LPP: variants seen among roughly 807,000 people sequenced by gnomAD.
LPP encodes the protein LIM domain containing preferred translocation partner in lipoma, also known as lipoma-preferred partner.
In LPP, 38 loss-of-function variants were observed where a neutral mutation model predicts 60.4. That is an observed-to-expected ratio of 0.63 (90% CI 0.49 to 0.83). The LOEUF is 0.83. Among genes scored for constraint, LPP ranks in the 40% least tolerant of loss-of-function variants. The pLI is 0.00. For synonymous variants in LPP, 328 were observed against 290.8 expected (o/e 1.13, Z -1.30); for missense variants, 902 against 783.6 (o/e 1.15, Z -1.80).
In LPP at chr3:188,889,130, T is replaced by C; in HGVS notation, c.*14651T>C. 1 of 227,192 alleles carries C rather than the reference T, an allele frequency of 4.4e-6. No homozygotes were observed. The highest frequency in any genetic ancestry group is 8.8e-6 in the Non-Finnish European group (1 of 114,218). 14.1% of individuals were successfully genotyped at this position (227,192 alleles called of 1,614,324 possible). A position where few individuals can be genotyped will look rare whatever the true frequency, so the allele number is the denominator to read the frequency against. ...AATAGAAAAGTCTTGGCTGTGGGGA[T>C]TGGAAGCTCAGGGGGCCAAATGTCC... On this transcript the variant is annotated 3_prime_UTR_variant, in exon 12 of 12. Coordinates refer to ENST00000617246, the MANE Select transcript of LPP (RefSeq NM_001375462.1).
intron 7 of LPP, among the ~76,000 whole-genome samples, chr3:188,648,599 A>G (rs1851528188): frequency 6.6e-6 from 1 of 152,102 alleles, no homozygotes; most frequent in Admixed American, 6.5e-5. Flanking sequence ...TCCTTCATTC[A>G]TTCCTTCATT....
At chr3:188,392,030 G>A (rs980676016) in intron 3 of LPP, among the ~76,000 whole-genome samples, 2 of 152,172 alleles carry the variant, frequency 1.3e-5, no homozygotes, top group African/African-American at 4.8e-5. Context: ...GTGCAATATG[G>A]GAAGTTTGAG....
chr3:188,415,127 A>G (rs1256874360), intron 4 of LPP, among the ~76,000 whole-genome samples: 1 of 152,190 alleles, frequency 6.6e-6, no homozygotes, highest in Non-Finnish European at 1.5e-5. Context: ...CATATTAATC[A>G]TCTTTATTTT....
intron 7 of LPP, among the ~76,000 whole-genome samples, chr3:188,613,492 G>T (rs1270466663): frequency 1.3e-5 from 2 of 152,004 alleles, no homozygotes; most frequent in Non-Finnish European, 2.9e-5. Context: ...GCTATTAAAG[G>T]GACAGGTATT....
At chr3:188,840,542 G>A (rs1037819627) in intron 9 of LPP, among the ~76,000 whole-genome samples, 4 of 152,040 alleles carry the variant, frequency 2.6e-5, no homozygotes, top group Non-Finnish European at 5.9e-5. Context: ...TCTCTTTCCC[G>A]GGCTGGAGTG....
At chr3:188,521,724 C>T (rs1818922249) in intron 5 of LPP, among the ~76,000 whole-genome samples, 1 of 152,080 alleles carries the variant, frequency 6.6e-6, no homozygotes, top group South Asian at 2.1e-4. Flanking sequence ...AATCTTATAA[C>T]ATCACCCTGG....
intron 10 of LPP, among the ~76,000 whole-genome samples, chr3:188,868,206 C>T (rs149348932): frequency 6.6e-6 from 1 of 152,134 alleles, no homozygotes; most frequent in African/African-American, 2.4e-5. Context: ...TTAGACTTAT[C>T]CTAATCCAAG....
At chr3:188,716,189 A>G (rs1713918971) in intron 8 of LPP, among the ~76,000 whole-genome samples, 3 of 152,258 alleles carry the variant, frequency 2.0e-5, no homozygotes, top group African/African-American at 7.2e-5. Context: ...AGTTTGTTCC[A>G]GTGGAACTAG....
chr3:188,638,167 T>A (rs2148697556), intron 7 of LPP, among the ~76,000 whole-genome samples: 1 of 129,322 alleles, frequency 7.7e-6, no homozygotes, highest in East Asian at 2.0e-4. Context: ...TTATCCACCA[T>A]GATCAAGTGG....
At chr3:188,659,071 A>G (rs1392889412) in intron 7 of LPP, among the ~76,000 whole-genome samples, 2 of 152,200 alleles carry the variant, frequency 1.3e-5, no homozygotes, top group Admixed American at 6.5e-5. Context: ...GTTTCCAAAT[A>G]TAGTCTAGAT....
At chr3:188,420,372 A>T in intron 4 of LPP, among the ~76,000 whole-genome samples, 1 of 152,318 alleles carries the variant, frequency 6.6e-6, no homozygotes, top group Non-Finnish European at 1.5e-5. Flanking sequence ...CTATTGAACT[A>T]TAAGTACAGT....
At chr3:188,175,104 T>G (rs886363343) in intron 1 of LPP, among the ~76,000 whole-genome samples, 3 of 152,216 alleles carry the variant, frequency 2.0e-5, no homozygotes, top group Non-Finnish European at 4.4e-5. Flanking sequence ...TTATATTTTT[T>G]GAGTCAGAGT....
intron 4 of LPP, among the ~76,000 whole-genome samples, chr3:188,408,322 G>T (rs1039296354): frequency 6.6e-6 from 1 of 152,094 alleles, no homozygotes; most frequent in Non-Finnish European, 1.5e-5. Flanking sequence ...CTCATAAATG[G>T]CATATATGAG....
intron 3 of LPP, among the ~76,000 whole-genome samples, chr3:188,383,618 T>C (rs950536792): frequency 3.9e-5 from 6 of 152,232 alleles, no homozygotes; most frequent in African/African-American, 9.6e-5. Context: ...AGAAGACCAC[T>C]GTTCAGAACC....
intron 7 of LPP, among the ~76,000 whole-genome samples, chr3:188,696,777 T>G (rs1440186884): frequency 6.6e-6 from 1 of 152,170 alleles, no homozygotes; most frequent in Non-Finnish European, 1.5e-5. Context: ...AACGTTCAAT[T>G]TTTTGCTTTG....
At chr3:188,501,920 A>G (rs1484674241) in intron 5 of LPP, among the ~76,000 whole-genome samples, 1 of 152,088 alleles carries the variant, frequency 6.6e-6, no homozygotes, top group Non-Finnish European at 1.5e-5. Flanking sequence ...CCATTAAAAA[A>G]AAAAACAAAC....
intron 2 of LPP, among the ~76,000 whole-genome samples, chr3:188,280,228 T>C (rs1424994060): frequency 2.6e-5 from 4 of 152,190 alleles, no homozygotes; most frequent in African/African-American, 9.7e-5. Flanking sequence ...GGTGATGTAA[T>C]GGCCCAGATG....
At chr3:188,211,785 A>C (rs1734762980) in intron 1 of LPP, among the ~76,000 whole-genome samples, 1 of 151,702 alleles carries the variant, frequency 6.6e-6, no homozygotes, top group Admixed American at 6.6e-5. Flanking sequence ...CTCCCAGACC[A>C]AGAGACTCTG....
chr3:188,669,372 C>A (rs547516394), intron 7 of LPP, among the ~76,000 whole-genome samples: 1 of 152,054 alleles, frequency 6.6e-6, no homozygotes, highest in East Asian at 1.9e-4. Context: ...GTCAGGAGAT[C>A]GAGACCATCC....
Sources: gnomAD v4.1 joint callset for allele counts (sites outside exome capture counted in the v4.1 genomes callset) on GRCh38, gnomAD v4.1.1 for gene constraint, MANE v1.5 for transcripts, NCBI Gene and HGNC (gene_info 2026-07-23, HGNC 2026-07-21) for gene names.